STX3: variants seen among roughly 807,000 people sequenced by gnomAD.
STX3 encodes the protein syntaxin-3.
Under a neutral mutation model 40.2 loss-of-function variants are expected in STX3, and 19 were observed. The ratio of observed to expected loss-of-function variants is 0.47; its 90% confidence interval spans 0.33 to 0.69. STX3 has a LOEUF of 0.69. Among genes scored for constraint, STX3 ranks in the 30% least tolerant of loss-of-function variants. The pLI, the probability that STX3 is intolerant of heterozygous loss-of-function variation, is 0.02. For synonymous variants in STX3, 122 were observed against 132.2 expected, an observed-to-expected ratio of 0.92 and a Z score of 0.53; for missense variants, 364 against 366.7, an observed-to-expected ratio of 0.99 and a Z score of 0.06.
At chr11:59,769,006 T>G (rs975653001) in intron 1 of STX3, among the ~76,000 whole-genome samples, 5 of 152,076 alleles carry the variant, frequency 3.3e-5, no homozygotes, top group African/African-American at 4.8e-5. Flanking sequence ...ATAGTATACA[T>G]TGTATCCATT....
intron 8 of STX3, 59 bp from the exon 9 acceptor site, chr11:59,795,313 C>T: frequency 7.3e-7 from 1 of 1,378,644 alleles, no homozygotes; most frequent in South Asian, 1.2e-5. Flanking sequence ...CCCTTCCCCG[C>T]ATTGGCTAGG....
In STX3 at chr11:59,797,405, A is replaced by G. The variant is rs765182942; in HGVS notation, c.*30+9A>G. The G allele has an allele frequency of 6.2e-7, 1 of 1,607,470 alleles. No individual in the cohort carries two copies. Among genetic ancestry groups the G allele is most frequent in the Admixed American group, 1.7e-5 (1 of 59,658 alleles). ...GGCTGCTGCACTGAAATGTAAGTAA[A>G]CGAGTGGTTCTTGGGGACTCTGGAT... is the stretch of plus-strand genomic sequence containing the variant. On this transcript the variant is annotated intron_variant, in intron 10 of 10. Coordinates refer to ENST00000337979, the MANE Select transcript of STX3 (RefSeq NM_004177.5).
At chr11:59,765,072 C>T (rs1452930308) in intron 1 of STX3, among the ~76,000 whole-genome samples, 2 of 152,038 alleles carry the variant, frequency 1.3e-5, no homozygotes, top group African/African-American at 4.8e-5. Context: ...AGTTGTTCAG[C>T]TAGGGCTTTC....
At chr11:59,798,659 A>G (rs1223708163) in intron 10 of STX3, among the ~76,000 whole-genome samples, 2 of 151,740 alleles carry the variant, frequency 1.3e-5, no homozygotes, top group Non-Finnish European at 2.9e-5. Context: ...AGCTGGGATT[A>G]TAGGTGCCTG....
At chr11:59,759,555 A>G (rs1209268291) in intron 1 of STX3, among the ~76,000 whole-genome samples, 1 of 152,232 alleles carries the variant, frequency 6.6e-6, no homozygotes, top group East Asian at 1.9e-4. Context: ...TGGAGAAGCC[A>G]GTGATGTATG....
At chr11:59,759,327 A>G (rs1227281990) in intron 1 of STX3, among the ~76,000 whole-genome samples, 2 of 152,120 alleles carry the variant, frequency 1.3e-5, no homozygotes, top group Non-Finnish European at 2.9e-5. Context: ...CATATAAACA[A>G]CTCAAGGGAG....
At chr11:59,768,632 T>C (rs1863402120) in intron 1 of STX3, among the ~76,000 whole-genome samples, 1 of 152,050 alleles carries the variant, frequency 6.6e-6, no homozygotes, top group South Asian at 2.1e-4. Context: ...TGGGGGAGAA[T>C]AGTGGGAATA....
intron 2 of STX3, among the ~76,000 whole-genome samples, chr11:59,781,965 C>T (rs1590795579): frequency 2.0e-5 from 3 of 152,294 alleles, no homozygotes; most frequent in Admixed American, 2.0e-4. Flanking sequence ...AATTAATGCT[C>T]AACTAGAGGT....
chr11:59,790,450 G>A (rs780954740), intron 4 of STX3, 69 bp from the exon 5 acceptor site: 2 of 1,250,974 alleles, frequency 1.6e-6, no homozygotes, highest in Non-Finnish European at 2.4e-6. Flanking sequence ...GAGTGAGGAA[G>A]TTTCACTGAA....
At position 59,793,081 on chromosome 11, in the gene STX3, A is replaced by AT; in HGVS notation, c.467-18_467-17insT. ...ACCGTGATCTTATATTTGACGCTCT[A>AT]CTTCTTTTGTTACAAAGCTGGCAAA... On this transcript the variant is annotated splice_polypyrimidine_tract_variant and intron_variant, in intron 6 of 10. Transcript: ENST00000337979. 6.2e-7 allele frequency: 1 copy of AT among 1,612,332 alleles called. No individual in the cohort carries two copies. The highest frequency in any genetic ancestry group is 8.5e-7 in the Non-Finnish European group (1 of 1,179,480).
At position 59,799,472 on chromosome 11, in the gene STX3, C is replaced by T. The variant is rs201511835; in HGVS notation, c.*31-1383C>T. Among the ~76,000 whole-genome samples, 3 of 152,296 alleles carry T rather than the reference C, an allele frequency of 2.0e-5. No homozygotes were observed. The East Asian group carries it at 5.8e-4, about 29-fold the overall frequency. ...CATACTCTCAAATATTTAACATTTT[C>T]ACAATGTTGGAGGTTTATGTTATTT... On this transcript the variant is annotated intron_variant, in intron 10 of 10. Coordinates refer to ENST00000337979, the MANE Select transcript of STX3 (RefSeq NM_004177.5).
At chr11:59,777,882 G>A (rs780941780) in intron 2 of STX3, among the ~76,000 whole-genome samples, 8 of 152,122 alleles carry the variant, frequency 5.3e-5, no homozygotes, top group Non-Finnish European at 1.0e-4. Context: ...CAATTTCTGG[G>A]GCTTTTATTG....
At chr11:59,792,827 G>C (rs1310704800) in intron 6 of STX3, among the ~76,000 whole-genome samples, 2 of 152,136 alleles carry the variant, frequency 1.3e-5, no homozygotes, top group East Asian at 3.9e-4. Context: ...TGTTATGAGG[G>C]CCTTGGACAC....
rs1009953616 is a variant in STX3, at chr11:59,801,560, C to G, written c.*736C>G. 3 of 985,362 alleles carry G rather than the reference C, an allele frequency of 3.0e-6. No homozygotes were observed. In the East Asian group the frequency reaches 3.4e-4, roughly 112 times the overall value. The allele number at this position is 985,362 out of a possible 1,614,324, so 61.0% of individuals were successfully genotyped here. On this transcript the variant is annotated 3_prime_UTR_variant, in exon 11 of 11. Coordinates refer to ENST00000337979, the MANE Select transcript of STX3 (RefSeq NM_004177.5). Reference sequence around the variant, plus strand: ...AAGGCTGACGGTATGGAATATGTTTCCATGTCTGAGTCTTAGAAACTGGCT... The same window carrying G: ...AAGGCTGACGGTATGGAATATGTTTGCATGTCTGAGTCTTAGAAACTGGCT...
At chr11:59,785,808 C>T (rs1045003848) in intron 2 of STX3, among the ~76,000 whole-genome samples, 2 of 152,318 alleles carry the variant, frequency 1.3e-5, no homozygotes, top group African/African-American at 4.8e-5. Context: ...TCAATTGTTG[C>T]AATGTTGATG....
Position 59,801,380 on chromosome 11 carries a change from G to A in STX3, c.*556G>A, listed in dbSNP as rs1865881102. 1.0e-6 allele frequency: 1 copy of A among 988,684 alleles called. No individual in the cohort carries two copies. The highest frequency in any genetic ancestry group is 1.2e-6 in the Non-Finnish European group (1 of 831,738). The allele number at this position is 988,684 out of a possible 1,614,324, so 61.2% of individuals were successfully genotyped here. The stretch of plus-strand genomic sequence containing the variant: ...TGAGGGACTGGCAGATGTCATTTTG[G>A]TCTAAAGAGCTGACTTGTTTGAAAT... On this transcript the variant is annotated 3_prime_UTR_variant, in exon 11 of 11. Coordinates refer to ENST00000337979, the MANE Select transcript of STX3 (RefSeq NM_004177.5).
At position 59,797,507 on chromosome 11, in the gene STX3, G is replaced by A. The variant is rs952653409; in HGVS notation, c.*30+111G>A. 4 of 770,660 alleles carry A rather than the reference G, an allele frequency of 5.2e-6. No individual in the cohort carries two copies. In the African/African-American group the frequency reaches 7.1e-5, roughly 14 times the overall value. 47.7% of individuals were successfully genotyped at this position (770,660 alleles called of 1,614,324 possible). A position where few individuals can be genotyped will look rare whatever the true frequency, so the allele number is the denominator to read the frequency against. The stretch of plus-strand genomic sequence containing the variant: ...CCCTATGATTGTCCTTGGACACACT[G>A]AGCTTTCTAAAACTTTCAGTAGCCT... On this transcript the variant is annotated intron_variant, in intron 10 of 10. Transcript: ENST00000337979.
chr11:59,795,582 C>T lies in STX3; in HGVS notation c.786+100C>T, dbSNP rs528182974. 395 of 1,545,200 alleles carry T rather than the reference C, an allele frequency of 2.6e-4. 4 individuals are homozygous for T. The South Asian group carries it at 4.5e-3, about 18-fold the overall frequency. ...CCTGTCTCTGTTTCTGCTGCCACCA[C>T]CTCTTGCATCTGGGGAAAGGGATCC... On this transcript the variant is annotated intron_variant, in intron 9 of 10. Coordinates refer to ENST00000337979, the MANE Select transcript of STX3 (RefSeq NM_004177.5).
At chr11:59,763,735 C>A (rs760181516) in intron 1 of STX3, among the ~76,000 whole-genome samples, 1 of 152,098 alleles carries the variant, frequency 6.6e-6, no homozygotes, top group African/African-American at 2.4e-5. Flanking sequence ...AATAAATGAT[C>A]GGCCGGGCGC....
Sources: allele counts gnomAD v4.1 joint callset (sites outside exome capture counted in the v4.1 genomes callset), GRCh38; gene constraint gnomAD v4.1.1; transcripts MANE v1.5; gene names NCBI Gene and HGNC (gene_info 2026-07-23, HGNC 2026-07-21).